ACACB: variants seen among roughly 807,000 people sequenced by gnomAD.
ACACB encodes the protein acetyl-CoA carboxylase 2.
In ACACB, 209 loss-of-function variants were observed where a neutral mutation model predicts 278.8. The observed-to-expected ratio is 0.75, with a 90% confidence interval of 0.67 to 0.84. ACACB has a LOEUF of 0.84. Ranked by LOEUF, ACACB falls within the 40% of genes least tolerant of loss-of-function variation. The pLI, the probability that ACACB is intolerant of heterozygous loss-of-function variation, is 0.00. For missense variants in ACACB, 2,850 were observed against 3,269.0 expected, an observed-to-expected ratio of 0.87 and a Z score of 3.13; for synonymous variants, 1,174 against 1,285.6, an observed-to-expected ratio of 0.91 and a Z score of 1.86.
chr12:109,192,309 A>G (rs2044921901), intron 15 of ACACB, among the ~76,000 whole-genome samples: 2 of 152,154 alleles, frequency 1.3e-5, no homozygotes, highest in African/African-American at 4.8e-5. Context: ...GCATTCCCAG[A>G]CCCTCACCAG....
chr12:109,169,614 G>C lies in ACACB; in HGVS notation c.925+1580G>C, dbSNP rs75846584. 5.6e-3 allele frequency among the ~76,000 whole-genome samples: 857 copies of C among 152,226 alleles called. 5 individuals carry two copies. Among genetic ancestry groups the C allele is most frequent in the African/African-American group, 0.019 (801 of 41,530 alleles). On this transcript the variant is annotated intron_variant, in intron 4 of 52. Coordinates refer to ENST00000338432, the MANE Select transcript of ACACB (RefSeq NM_001093.4). ...TGTTGCAGAGTCTTGGCACCTGCTGGAACCTCTATTGAAGGTGCTTCTCCC... is the reference window on the plus strand; with the variant it reads ...TGTTGCAGAGTCTTGGCACCTGCTGCAACCTCTATTGAAGGTGCTTCTCCC...
At chr12:109,258,717 G>T (rs535849146) in intron 46 of ACACB, among the ~76,000 whole-genome samples, 10 of 152,322 alleles carry the variant, frequency 6.6e-5, no homozygotes, top group Non-Finnish European at 1.2e-4. Flanking sequence ...CCCCAACTCA[G>T]TGTGACCTTG....
chr12:109,192,106 C>G lies in ACACB; in HGVS notation c.2399+156C>G, dbSNP rs1231090820. ...TCTGGGAAATTCCTCTACAGATCAA[C>G]CTAGGCTACCCTTGAAGAGGCTGTG... On this transcript the variant is annotated intron_variant, in intron 15 of 52. Transcript: ENST00000338432. Among the ~76,000 whole-genome samples, 5 of 152,128 alleles carry G rather than the reference C, an allele frequency of 3.3e-5. No homozygotes were observed. In the East Asian group the frequency reaches 7.7e-4, roughly 23 times the overall value.
At position 109,242,745 on chromosome 12, in the gene ACACB, C is replaced by T. The variant is rs946256835; in HGVS notation, c.5178+153C>T. ...GCTCACGCCTATAATCCCAGCACTT[C>T]GGGAGGCCGAGGAGGGAGGATTGCT... On this transcript the variant is annotated intron_variant, in intron 37 of 52. Transcript: ENST00000338432. The T allele has an allele frequency of 8.3e-6, 7 of 846,500 alleles. No homozygotes were observed. The Admixed American group carries it at 9.0e-5, about 11-fold the overall frequency. 52.4% of individuals were successfully genotyped at this position (846,500 alleles called of 1,614,324 possible).
rs746310831 is a variant in ACACB at position 109,258,297 on chromosome 12, C to T, written c.6293C>T (p.Ala2098Val). 3 of 1,612,682 alleles carry T rather than the reference C, an allele frequency of 1.9e-6. No individual in the cohort carries two copies. The highest frequency in any genetic ancestry group is 2.5e-6 in the Non-Finnish European group (3 of 1,179,846). ...RLGGIPVGVI[A>V]VETRTVEVAV... is the part of the protein sequence containing the mutation. Reference sequence around the variant, plus strand: ...GGGGGGATTCCCGTGGGAGTGATTGCTGTGGAGACACGGACTGTGGAGGTG... The same window carrying T: ...GGGGGGATTCCCGTGGGAGTGATTGTTGTGGAGACACGGACTGTGGAGGTG... The change falls in exon 46 of 53, where the codon GCT becomes GTT. Residue 2098 changes from alanine (A) to valine (V), a missense_variant. Ala to Val is a moderately conservative substitution (Grantham distance 64). Around this residue, in one of 3 missense-constraint regions of ACACB, gnomAD observed 579 missense variants for 684.6 expected, o/e 0.85. Coordinates refer to ENST00000338432, the MANE Select transcript of ACACB (RefSeq NM_001093.4).
chr12:109,157,554 A>C (rs2043583867), intron 2 of ACACB, among the ~76,000 whole-genome samples: 1 of 152,174 alleles, frequency 6.6e-6, no homozygotes, highest in Non-Finnish European at 1.5e-5. Flanking sequence ...TACAGGCATG[A>C]GCCACCATGC....
At chr12:109,227,799 G>A (rs971087376) in intron 28 of ACACB, among the ~76,000 whole-genome samples, 3 of 152,238 alleles carry the variant, frequency 2.0e-5, no homozygotes, top group African/African-American at 4.8e-5. Flanking sequence ...TTGGGGGGCC[G>A]AGGCGGGCAG....
chr12:109,212,671 AGCTTC>A (rs2045883731), intron 21 of ACACB, among the ~76,000 whole-genome samples, 160 bp from the exon 22 acceptor site: 8 of 152,156 alleles, frequency 5.3e-5, no homozygotes, highest in Non-Finnish European at 1.2e-4. Flanking sequence ...ATACAGATGA[AGCTTC>A]GCTCCCTCAC....
intron 6 of ACACB, among the ~76,000 whole-genome samples, chr12:109,173,924 C>T (rs964687311): frequency 4.6e-5 from 7 of 152,228 alleles, no homozygotes; most frequent in Non-Finnish European, 8.8e-5. Flanking sequence ...AATCCACATA[C>T]GTTGAAAGTT....
intron 2 of ACACB, among the ~76,000 whole-genome samples, chr12:109,151,904 C>G (rs1428519990): frequency 3.3e-5 from 5 of 152,166 alleles, no homozygotes; most frequent in Non-Finnish European, 7.3e-5. Context: ...TTTGCAATCC[C>G]TTTTAATGGC....
intron 2 of ACACB, among the ~76,000 whole-genome samples, chr12:109,140,347 C>CTTCT (rs1382646061): frequency 0.011 from 925 of 80,442 alleles, 108 homozygotes; most frequent in African/African-American, 0.041. Flanking sequence ...TCCTTCCTTC[C>CTTCT]TTCCCTCCTT....
intron 41 of ACACB, among the ~76,000 whole-genome samples, 175 bp from the exon 42 acceptor site, chr12:109,251,871 T>TA (rs1303371075): frequency 6.6e-6 from 1 of 152,190 alleles, no homozygotes; most frequent in Non-Finnish European, 1.5e-5. Flanking sequence ...CCAAGCTCAA[T>TA]AAAGTGGCCT....
At chr12:109,149,631 C>T (rs2043322469) in intron 2 of ACACB, among the ~76,000 whole-genome samples, 1 of 152,094 alleles carries the variant, frequency 6.6e-6, no homozygotes, top group South Asian at 2.1e-4. Context: ...TGGTAAATGA[C>T]CACAGATAGT....
chr12:109,166,367 C>T (rs1437347585), intron 2 of ACACB, among the ~76,000 whole-genome samples: 1 of 152,060 alleles, frequency 6.6e-6, no homozygotes, highest in African/African-American at 2.4e-5. Context: ...CCTTCTAGTT[C>T]ATGTGCTGGT....
Position 109,265,185 on chromosome 12 carries a change from A to T in ACACB, c.7018A>T (p.Lys2340Ter). The T allele has an allele frequency of 6.2e-7, 1 of 1,613,880 alleles. No homozygotes were observed. The highest frequency in any genetic ancestry group is 2.2e-5 in the East Asian group (1 of 44,872). ...LRRLLLEDQV[K>*]QEILQASGEL... ...CCGCCTCCTCCTGGAGGACCAGGTC[A>T]AGCAGGAGATCCTGCAGGCCAGCGG... Residue 2340 changes from lysine to a stop codon, truncating the protein, a stop_gained, in exon 51 of 53, where the codon AAG (lysine) becomes TAG (stop). Transcript: ENST00000338432. LOFTEE classifies it high-confidence loss of function.
At chr12:109,179,048 T>G (rs1261925307) in intron 9 of ACACB, 40 bp from the exon 10 acceptor site, 1 of 1,586,220 alleles carries the variant, frequency 6.3e-7, no homozygotes. Context: ...CCAGAGCTGG[T>G]TTCCCCATGA....
chr12:109,191,878 T>C lies in ACACB; in HGVS notation c.2327T>C (p.Val776Ala), dbSNP rs1369095847. ...AAACCGGATATCATGCTTGGGGTGG[T>C]ATGCGGGGCCTTGAACGTGGCCGAT... ...AEKPDIMLGV[V>A]CGALNVADAM... Residue 776 changes from valine to alanine, a missense_variant, in exon 15 of 53, where the codon GTA (valine) becomes GCA (alanine). By Grantham distance (64) the Val-to-Ala change is moderately conservative. Around this residue, in one of 3 missense-constraint regions of ACACB, gnomAD observed 2,265 missense variants for 2,561.3 expected, o/e 0.88. Transcript: ENST00000338432. The C allele has an allele frequency of 5.6e-6, 9 of 1,614,042 alleles. No homozygotes were observed. Among genetic ancestry groups the C allele is most frequent in the Non-Finnish European group, 7.6e-6 (9 of 1,180,026 alleles).
intron 2 of ACACB, among the ~76,000 whole-genome samples, chr12:109,163,403 G>A (rs1031563000): frequency 1.3e-5 from 2 of 152,142 alleles, no homozygotes; most frequent in African/African-American, 4.8e-5. Context: ...GGGAACATTT[G>A]TAGGCCAAAA....
At chr12:109,246,576 T>C in intron 39 of ACACB, 128 bp downstream of exon 39, 4 of 1,142,696 alleles carry the variant, frequency 3.5e-6, no homozygotes, top group Non-Finnish European at 5.0e-6. Context: ...GTACATGTAG[T>C]GTATAAACAG....
Sources: allele counts gnomAD v4.1 joint callset (sites outside exome capture counted in the v4.1 genomes callset), GRCh38; gene constraint gnomAD v4.1.1; regional missense constraint gnomAD v4.1.1; transcripts MANE v1.5; gene names NCBI Gene and HGNC (gene_info 2026-07-23, HGNC 2026-07-21).